Variants in EXOC1 observed in about 807,000 individuals in gnomAD.
EXOC1 encodes the protein SEC3-like 1.
In EXOC1, 67 loss-of-function variants were observed where a neutral mutation model predicts 107.7. The ratio of observed to expected loss-of-function variants is 0.62; its 90% CI spans 0.51 to 0.76. EXOC1 has a LOEUF of 0.76. EXOC1 is among the 30% of genes least tolerant of loss of function. The pLI is 0.00. For missense variants in EXOC1, 833 were observed against 1,055.7 expected, an observed-to-expected ratio of 0.79 and a Z score of 2.92; for synonymous variants, 348 against 353.5, an observed-to-expected ratio of 0.98 and a Z score of 0.17.
intron 9 of EXOC1, 89 bp downstream of exon 9, chr4:55,878,155 T>C (rs773871927): frequency 9.3e-6 from 13 of 1,404,638 alleles, no homozygotes; most frequent in Non-Finnish European, 1.3e-5. Context: ...AAGTTTAAAA[T>C]ACTGTAGTAC....
chr4:55,891,167 G>A (rs1724499947), intron 12 of EXOC1, 148 bp from the exon 13 acceptor site: 4 of 600,992 alleles, frequency 6.7e-6, no homozygotes, highest in African/African-American at 1.9e-5. Context: ...GGAAGAGTTT[G>A]TTTTTGGGAT....
intron 10 of EXOC1, among the ~76,000 whole-genome samples, chr4:55,886,559 C>CA (rs1236067546): frequency 1.0e-4 from 12 of 115,164 alleles, no homozygotes; most frequent in Non-Finnish European, 1.9e-4. Flanking sequence ...TCTCAAAAAA[C>CA]AAAAAAACAA....
At chr4:55,874,653 A>G (rs1428254220) in intron 8 of EXOC1, among the ~76,000 whole-genome samples, 2 of 152,180 alleles carry the variant, frequency 1.3e-5, no homozygotes, top group Non-Finnish European at 1.5e-5. Flanking sequence ...TTTTAATATA[A>G]TAATCACTGT....
chr4:55,904,324 CT>C lies in EXOC1; in HGVS notation c.2533-9del, dbSNP rs141812928. ...ATTATTTCCATTCATAGCCTAATGA[CT>C]TTTTTTTTTAATAATAGGTGGTGTG... On this transcript the variant is annotated intron_variant, in intron 18 of 18. Transcript: ENST00000381295. The C allele has an allele frequency of 5.6e-3, 7,549 of 1,346,230 alleles. No individual in the cohort carries two copies. The highest frequency in any genetic ancestry group is 0.017 in the South Asian group (1,201 of 69,756). The allele number at this position is 1,346,230 out of a possible 1,614,324, so 83.4% of individuals were successfully genotyped here. A position where few individuals can be genotyped will look rare whatever the true frequency, so the allele number is the denominator to read the frequency against.
chr4:55,879,854 G>A (rs1723224526), intron 9 of EXOC1, among the ~76,000 whole-genome samples: 1 of 151,988 alleles, frequency 6.6e-6, no homozygotes, highest in Non-Finnish European at 1.5e-5. Context: ...TGAATATGAA[G>A]TTTAAAAATA....
At chr4:55,877,319 G>GA in intron 8 of EXOC1, 1 of 985,376 alleles carries the variant, frequency 1.0e-6, no homozygotes, top group East Asian at 1.1e-4. Context: ...TAGATTGAGT[G>GA]AAAATTACAT....
At chr4:55,882,484 T>C (rs1429574334) in intron 9 of EXOC1, among the ~76,000 whole-genome samples, 1 of 152,142 alleles carries the variant, frequency 6.6e-6, no homozygotes, top group Non-Finnish European at 1.5e-5. Flanking sequence ...AAGTAATACA[T>C]CCCAATGAAA....
chr4:55,860,324 C>A, intron 2 of EXOC1, 87 bp from the exon 3 acceptor site: 1 of 1,515,608 alleles, frequency 6.6e-7, no homozygotes, highest in Non-Finnish European at 9.0e-7. Flanking sequence ...AGCTACTAGG[C>A]ACCTGAAAGC....
At chr4:55,866,090 C>G (rs543970613) in intron 4 of EXOC1, among the ~76,000 whole-genome samples, 3 of 152,162 alleles carry the variant, frequency 2.0e-5, no homozygotes, top group South Asian at 4.1e-4. Context: ...AAAAAAATGT[C>G]TCTAAGTTTT....
chr4:55,886,192 T>C (rs921824102), intron 10 of EXOC1, among the ~76,000 whole-genome samples: 1 of 152,164 alleles, frequency 6.6e-6, no homozygotes, highest in Admixed American at 6.5e-5. Context: ...CCTCTGGTGT[T>C]CAGTAAGTTG....
chr4:55,883,977 A>G (rs1437601127), intron 10 of EXOC1, 49 bp downstream of exon 10: 7 of 1,314,128 alleles, frequency 5.3e-6, no homozygotes, highest in African/African-American at 4.6e-5. Context: ...AAATGGCTTT[A>G]TTTATAACAA....
At chr4:55,857,168 CTTTTTTTTTTTTTTTTTTTT>C (rs71192052) in intron 1 of EXOC1, among the ~76,000 whole-genome samples, 17 of 65,768 alleles carry the variant, frequency 2.6e-4, no homozygotes, top group Admixed American at 4.7e-4. Context: ...TCCTTTTTTT[CTTTTTTTTTTTTTTTTTTTT>C]TTTTTTTGGA....
intron 9 of EXOC1, among the ~76,000 whole-genome samples, chr4:55,879,405 A>G (rs959640783): frequency 6.6e-6 from 1 of 152,152 alleles, no homozygotes; most frequent in Non-Finnish European, 1.5e-5. Context: ...GAGCGTTCCT[A>G]TTGTGCTTGC....
At chr4:55,897,442 A>G (rs1577780710) in intron 16 of EXOC1, among the ~76,000 whole-genome samples, 1 of 152,196 alleles carries the variant, frequency 6.6e-6, no homozygotes, top group Non-Finnish European at 1.5e-5. Flanking sequence ...TCAGTTTTTC[A>G]TATCTACTAT....
At chr4:55,874,323 AGACT>A (rs1431409673) in intron 8 of EXOC1, among the ~76,000 whole-genome samples, 2 of 152,182 alleles carry the variant, frequency 1.3e-5, no homozygotes, top group Non-Finnish European at 2.9e-5. Flanking sequence ...TAAAATTCGG[AGACT>A]GACCAAATCA....
At position 55,868,494 on chromosome 4, in the gene EXOC1, T is replaced by C. The variant is rs199645913; in HGVS notation, c.574T>C (p.Leu192=). The C allele has an allele frequency of 1.2e-6, 2 of 1,613,506 alleles. No homozygotes were observed. The highest frequency in any genetic ancestry group is 2.2e-5 in the South Asian group (2 of 91,032). Residue 192 remains leucine (L), a synonymous_variant, in exon 5 of 19, where the codon TTG becomes CTG. Coordinates refer to ENST00000381295, the MANE Select transcript of EXOC1 (RefSeq NM_001024924.2). ...ISNAEAFAEK[L]SRELQVLDGA... ...GAATGCGGAAGCCTTTGCAGAAAAA[T>C]TGTCCAGAGAGCTGCAGGTGCTAGA...
intron 14 of EXOC1, 114 bp from the exon 15 acceptor site, chr4:55,893,438 G>A: frequency 2.1e-6 from 2 of 962,336 alleles, no homozygotes; most frequent in South Asian, 3.4e-5. Flanking sequence ...ATTTTTAATT[G>A]AAATTTAATT....
At chr4:55,872,103 G>T in intron 8 of EXOC1, 145 bp downstream of exon 8, 1 of 769,980 alleles carries the variant, frequency 1.3e-6, no homozygotes, top group Non-Finnish European at 2.0e-6. Context: ...TGAAATAGGA[G>T]CCTCTTTGCT....
In EXOC1 at chr4:55,883,866, A is replaced by G. The variant is rs773547427; in HGVS notation, c.1268A>G (p.Lys423Arg). ...TCCCGACTATATGAAAGAGAAATCA[A>G]AGATTTCTTTGAAGTTGCAAAGATC... The part of the protein sequence containing the change: ...YLSRLYEREI[K>R]DFFEVAKIKM... The change falls in exon 10 of 19, where the codon AAA becomes AGA. Residue 423 changes from lysine to arginine, a missense_variant. Physicochemically the swap from Lys to Arg is conservative, Grantham distance 26. Coordinates refer to ENST00000381295, the MANE Select transcript of EXOC1 (RefSeq NM_001024924.2). 1.1e-5 allele frequency: 18 copies of G among 1,606,188 alleles called. No individual in the cohort carries two copies. Among genetic ancestry groups the G allele is most frequent in the Admixed American group, 1.0e-4 (6 of 58,370 alleles).
Sources: allele counts gnomAD v4.1 joint callset (sites outside exome capture counted in the v4.1 genomes callset), GRCh38; gene constraint gnomAD v4.1.1; transcripts MANE v1.5; gene names NCBI Gene and HGNC (gene_info 2026-07-23, HGNC 2026-07-21).